PKD1L3: variants seen among roughly 807,000 people sequenced by gnomAD.
PKD1L3 encodes polycystin-1-like protein 3.
In PKD1L3, 239 loss-of-function variants were observed where a neutral mutation model predicts 184.1. The observed-to-expected ratio is 1.30, with a 90% CI of 1.17 to 1.45. PKD1L3 has a LOEUF of 1.45. Among genes scored for constraint, PKD1L3 ranks in the 40% most tolerant of loss-of-function variants. The pLI is 0.00. For synonymous variants in PKD1L3, 996 were observed against 778.8 expected, an observed-to-expected ratio of 1.28 and a Z score of -4.64; for missense variants, 2,660 against 2,067.2, an observed-to-expected ratio of 1.29 and a Z score of -5.56.
intron 27 of PKD1L3, 29 bp downstream of exon 27, chr16:71,933,886 G>C: frequency 6.5e-7 from 1 of 1,545,248 alleles, no homozygotes; most frequent in Non-Finnish European, 8.8e-7. Context: ...AGCACACGGA[G>C]AAGGAGAGAC....
chr16:71,966,118 G>A (rs1246992752), intron 15 of PKD1L3, among the ~76,000 whole-genome samples: 2 of 152,134 alleles, frequency 1.3e-5, no homozygotes, highest in Admixed American at 6.5e-5. Context: ...AACAAATTTA[G>A]GGAGACCATA....
chr16:71,988,336 G>A (rs542395641), intron 4 of PKD1L3, among the ~76,000 whole-genome samples: 7 of 152,160 alleles, frequency 4.6e-5, no homozygotes, highest in Middle Eastern at 3.4e-3. Context: ...CTGGGATTAC[G>A]GGCACCTGCC....
rs1158707266 is a variant in PKD1L3 at position 71,967,330 on chromosome 16, G to A, written c.2287-15C>T. On this transcript the variant is annotated splice_polypyrimidine_tract_variant and intron_variant, in intron 14 of 29. Coordinates refer to ENST00000620267, the MANE Select transcript of PKD1L3 (RefSeq NM_181536.2). Reference sequence around the variant, plus strand: ...GTGATGACAACCTACAATGAGACAGGGAAAGATAAAATATAAGGAATTTTA... The same window carrying A: ...GTGATGACAACCTACAATGAGACAGAGAAAGATAAAATATAAGGAATTTTA... The A allele has an allele frequency of 2.6e-6, 4 of 1,541,014 alleles. No homozygotes were observed. The highest frequency in any genetic ancestry group is 3.5e-6 in the Non-Finnish European group (4 of 1,142,860).
At chr16:71,946,303 C>T (rs962939977) in intron 22 of PKD1L3, among the ~76,000 whole-genome samples, 2 of 152,126 alleles carry the variant, frequency 1.3e-5, no homozygotes, top group Non-Finnish European at 2.9e-5. Flanking sequence ...CTGTGTACCC[C>T]TCTGTGATGG....
intron 11 of PKD1L3, among the ~76,000 whole-genome samples, 171 bp downstream of exon 11, chr16:71,977,065 T>A (rs1326426487): frequency 6.6e-6 from 1 of 152,142 alleles, no homozygotes; most frequent in African/African-American, 2.4e-5. Flanking sequence ...TTTAAGAAAT[T>A]AGCCAGATGT....
At chr16:71,932,679 A>C (rs753811825) in intron 28 of PKD1L3, among the ~76,000 whole-genome samples, 8 of 150,278 alleles carry the variant, frequency 5.3e-5, no homozygotes, top group Non-Finnish European at 8.8e-5. Flanking sequence ...GGGTTTCACC[A>C]TGTTGGCCAG....
In PKD1L3 at chr16:71,993,306, A is replaced by C; in HGVS notation, c.445T>G (p.Tyr149Asp). ...TGGGAATTATTTCCATTTCTTTCAT[A>C]ATGGGCATCTCCGTCCAAAAAGTCA... ...TGDFLDGDAH[Y>D]ERNGNNSHLY... is the part of the protein sequence containing the mutation. The change falls in exon 3 of 30, where the codon TAT becomes GAT. Residue 149 changes from tyrosine (Y) to aspartate (D), a missense_variant. By Grantham distance (160) the Tyr-to-Asp change is radical. Transcript: ENST00000620267. 1 of 1,549,302 alleles carries C rather than the reference A, an allele frequency of 6.5e-7. No individual in the cohort carries two copies. Among genetic ancestry groups the C allele is most frequent in the Non-Finnish European group, 8.7e-7 (1 of 1,146,234 alleles).
At chr16:71,964,530 G>T (rs1341756434) in intron 15 of PKD1L3, among the ~76,000 whole-genome samples, 1 of 151,120 alleles carries the variant, frequency 6.6e-6, no homozygotes, top group Non-Finnish European at 1.5e-5. Flanking sequence ...GTAGAGATGG[G>T]GTTTCACTGT....
At chr16:71,958,744 G>A (rs1228477203) in intron 16 of PKD1L3, among the ~76,000 whole-genome samples, 1 of 134,722 alleles carries the variant, frequency 7.4e-6, no homozygotes, top group Non-Finnish European at 1.5e-5. Flanking sequence ...TCATGTCACT[G>A]CACTCCAGCC....
Position 71,947,514 on chromosome 16 carries a change from T to C in PKD1L3, c.3696A>G (p.Thr1232=). Residue 1232 remains threonine (T), a synonymous_variant, in exon 22 of 30, where the codon ACA becomes ACG. Coordinates refer to ENST00000620267, the MANE Select transcript of PKD1L3 (RefSeq NM_181536.2). ...TACCCAAGAGTGCCAAGATCCTCTT[T>C]GTTTGTTGTTCATTCTCTTTGTTAA... ...PRLNKENEQQ[T]KRILALLAKC... 1.1e-6 allele frequency: 1 copy of C among 877,490 alleles called. No individual in the cohort carries two copies. Among genetic ancestry groups the C allele is most frequent in the Admixed American group, 2.9e-5 (1 of 34,638 alleles). The allele number at this position is 877,490 out of a possible 1,614,324, so 54.4% of individuals were successfully genotyped here.
intron 2 of PKD1L3, among the ~76,000 whole-genome samples, chr16:71,993,715 ATAT>A (rs1164784275): frequency 2.0e-5 from 3 of 152,216 alleles, no homozygotes; most frequent in Non-Finnish European, 4.4e-5. Flanking sequence ...ACTAAGCGTA[ATAT>A]TCTCCTTTGA....
chr16:71,954,256 A>G lies in PKD1L3; in HGVS notation c.2658T>C (p.Tyr886=), dbSNP rs2038963297. ...GCCGAGTTGCAATTGAAAGCCACAG[A>G]TAATCCTGGGTGAACTTTTCCACAA... ...SMIVEKFTQD[Y]LWLSIATRHP... is the part of the protein sequence containing the mutation. The change falls in exon 17 of 30, where the codon TAT becomes TAC. Residue 886 remains tyrosine, a synonymous_variant. Coordinates refer to ENST00000620267, the MANE Select transcript of PKD1L3 (RefSeq NM_181536.2). 2.6e-6 allele frequency: 4 copies of G among 1,549,210 alleles called. No homozygotes were observed. The highest frequency in any genetic ancestry group is 4.0e-5 in the Admixed American group (2 of 50,330).
intron 21 of PKD1L3, among the ~76,000 whole-genome samples, chr16:71,948,804 A>T (rs913673188): frequency 7.1e-4 from 8 of 11,220 alleles, no homozygotes; most frequent in Middle Eastern, 0.053. Flanking sequence ...TACATATAGT[A>T]AAAAAAAAAA....
chr16:71,953,208 T>A (rs1036007130), intron 17 of PKD1L3, 115 bp from the exon 18 acceptor site: 1 of 879,680 alleles, frequency 1.1e-6, no homozygotes, highest in Non-Finnish European at 1.7e-6. Context: ...TATCTAGAGA[T>A]AAAATTATCC....
At chr16:71,941,820 G>A (rs2038372382) in intron 24 of PKD1L3, among the ~76,000 whole-genome samples, 1 of 151,536 alleles carries the variant, frequency 6.6e-6, no homozygotes, top group African/African-American at 2.4e-5. Context: ...CCTAGACCTT[G>A]TGATCCACCT....
chr16:71,963,427 C>A lies in PKD1L3; in HGVS notation c.2466-76G>T. ...GTCTGTAGTAAGACGTAATCTCAGA[C>A]CATTAGTAAACTGTCCAAGTAAATG... On this transcript the variant is annotated intron_variant, in intron 15 of 29. Transcript: ENST00000620267. 4 of 1,381,120 alleles carry A rather than the reference C, an allele frequency of 2.9e-6. No homozygotes were observed. In the East Asian group the frequency reaches 1.0e-4, roughly 36 times the overall value. 85.6% of individuals were successfully genotyped at this position (1,381,120 alleles called of 1,614,324 possible).
chr16:71,969,688 T>A (rs13332617), intron 13 of PKD1L3, among the ~76,000 whole-genome samples, 187 bp downstream of exon 13: 5,897 of 151,732 alleles, frequency 0.039, 371 homozygotes, highest in African/African-American at 0.14. Context: ...GAAAAAAAAA[T>A]AGAGAGAAAA....
chr16:71,969,814 T>G, intron 13 of PKD1L3, 61 bp downstream of exon 13: 1 of 1,429,716 alleles, frequency 7.0e-7, no homozygotes, highest in African/African-American at 1.4e-5. Context: ...TGTTTTTTCC[T>G]TCATCTTATT....
chr16:71,970,213 C>G, intron 12 of PKD1L3, 108 bp from the exon 13 acceptor site: 1 of 853,328 alleles, frequency 1.2e-6, no homozygotes, highest in Non-Finnish European at 1.8e-6. Context: ...ATCTGGTTCT[C>G]TCATTCACAG....
Sources: gnomAD v4.1 joint callset for allele counts (sites outside exome capture counted in the v4.1 genomes callset) on GRCh38, gnomAD v4.1.1 for gene constraint, MANE v1.5 for transcripts, NCBI Gene and HGNC (gene_info 2026-07-23, HGNC 2026-07-21) for gene names.